POLR3E: variants seen among roughly 807,000 people sequenced by gnomAD.
POLR3E encodes the protein DNA-directed RNA polymerase III subunit RPC5.
A neutral mutation model predicts 96.6 loss-of-function variants in POLR3E; 41 were observed. That is an observed-to-expected ratio of 0.42 (90% CI 0.33 to 0.55). POLR3E has a LOEUF of 0.55. POLR3E is among the 20% of genes least tolerant of loss of function. POLR3E has a pLI of 0.06. For missense variants in POLR3E, 849 were observed against 952.1 expected, an observed-to-expected ratio of 0.89 and a Z score of 1.43; for synonymous variants, 396 against 383.6, an observed-to-expected ratio of 1.03 and a Z score of -0.38.
chr16:22,313,662 G>A lies in POLR3E; in HGVS notation c.407G>A (p.Arg136Gln), dbSNP rs753109806. The A allele has an allele frequency of 6.2e-6, 10 of 1,613,940 alleles. No homozygotes were observed. Among genetic ancestry groups the A allele is most frequent in the South Asian group, 2.2e-5 (2 of 91,074 alleles). The change falls in exon 7 of 21, where the codon CGG becomes CAG. Residue 136 changes from arginine to glutamine, a missense_variant. Transcript: ENST00000299853. The surrounding 1 kb of genome is among the most constrained non-coding windows in gnomAD (Gnocchi z 4.1). The stretch of plus-strand genomic sequence containing the variant: ...CCTTTACATGGCATCCTGCAGCTGC[G>A]GCCCAGCTTCTCCTACCTGGATAAG... The part of the protein sequence containing the change: ...LTPLHGILQL[R>Q]PSFSYLDKAD...
intron 1 of POLR3E, among the ~76,000 whole-genome samples, chr16:22,297,869 C>T (rs1165955002): frequency 6.6e-6 from 1 of 152,188 alleles, no homozygotes; most frequent in Non-Finnish European, 1.5e-5. Context: ...AGTGGCGGCT[C>T]GCGGCAGGGA....
intron 20 of POLR3E, among the ~76,000 whole-genome samples, chr16:22,332,967 CTTTTTTTTTTTTTT>C (rs1166614906): frequency 4.1e-5 from 3 of 73,062 alleles, no homozygotes; most frequent in African/African-American, 2.0e-4. Flanking sequence ...CGTAGACCCC[CTTTTTTTTTTTTTT>C]TTTTTTTTTT....
chr16:22,315,157 G>A lies in POLR3E; in HGVS notation c.591G>A (p.Gln197=), dbSNP rs770072945. Residue 197 remains glutamine (Q), a synonymous_variant, in exon 9 of 21, where the codon CAG becomes CAA. Transcript: ENST00000299853. ...GTGTGCAGTCCTATGAGTTCCTGCAGAAGAAGCACGCAGAGGAGCCCTGGG... is the reference window on the plus strand; with the variant it reads ...GTGTGCAGTCCTATGAGTTCCTGCAAAAGAAGCACGCAGAGGAGCCCTGGG... ...QRRVQSYEFL[Q]KKHAEEPWVH... 3 of 1,611,198 alleles carry A rather than the reference G, an allele frequency of 1.9e-6. No individual in the cohort carries two copies.
chr16:22,313,786 G>C lies in POLR3E; in HGVS notation c.472+59G>C. The C allele has an allele frequency of 8.2e-7, 1 of 1,212,914 alleles. No individual in the cohort carries two copies. Among genetic ancestry groups the C allele is most frequent in the Non-Finnish European group, 1.2e-6 (1 of 826,194 alleles). The allele number at this position is 1,212,914 out of a possible 1,614,324, so 75.1% of individuals were successfully genotyped here. ...TGCCTTCATCCTGGTGGGATGGCTT[G>C]GTCCTGGGAAGAGGGATGGGATGAT... On this transcript the variant is annotated intron_variant, in intron 7 of 20. Coordinates refer to ENST00000299853, the MANE Select transcript of POLR3E (RefSeq NM_018119.4). This position sits in a 1 kb window ranked among gnomAD's most constrained non-coding sequence, Gnocchi z 4.1.
At chr16:22,324,706 C>T (rs375337910) in intron 16 of POLR3E, 46 bp downstream of exon 16, 37 of 1,594,580 alleles carry the variant, frequency 2.3e-5, no homozygotes, top group Non-Finnish European at 3.2e-5. Context: ...ATCCCAGCAA[C>T]CCTGCATCCT....
intron 1 of POLR3E, among the ~76,000 whole-genome samples, chr16:22,301,150 G>A (rs2048011857): frequency 7.1e-6 from 1 of 141,038 alleles, no homozygotes; most frequent in African/African-American, 2.5e-5. Flanking sequence ...GGGACCATGA[G>A]GTTATCGGGG....
chr16:22,312,995 T>G (rs1230520633), intron 6 of POLR3E, among the ~76,000 whole-genome samples: 1 of 151,242 alleles, frequency 6.6e-6, no homozygotes, highest in Non-Finnish European at 1.5e-5. Context: ...TAGTGTCATA[T>G]AACTCGCGCG....
At chr16:22,309,560 T>C in intron 6 of POLR3E, 50 bp downstream of exon 6, 1 of 1,120,750 alleles carries the variant, frequency 8.9e-7, no homozygotes, top group Non-Finnish European at 1.4e-6. Context: ...TGGGGGGGGC[T>C]GGGCAGGGAG....
chr16:22,313,849 A>G lies in POLR3E; in HGVS notation c.472+122A>G. 1.4e-6 allele frequency: 1 copy of G among 729,864 alleles called. No individual in the cohort carries two copies. The highest frequency in any genetic ancestry group is 2.3e-5 in the Admixed American group (1 of 44,026). The allele number at this position is 729,864 out of a possible 1,614,324, so 45.2% of individuals were successfully genotyped here. Reference sequence around the variant, plus strand: ...AGGATCCCTGGCCTCTACCTACTAGATGCCAGAAGCACCCACCCCACAGTC... The same window carrying G: ...AGGATCCCTGGCCTCTACCTACTAGGTGCCAGAAGCACCCACCCCACAGTC... On this transcript the variant is annotated intron_variant, in intron 7 of 20. Transcript: ENST00000299853. This position sits in a 1 kb window ranked among gnomAD's most constrained non-coding sequence, Gnocchi z 4.1.
chr16:22,298,575 A>C (rs774005819), intron 1 of POLR3E, among the ~76,000 whole-genome samples: 4 of 152,134 alleles, frequency 2.6e-5, no homozygotes, highest in African/African-American at 9.7e-5. Flanking sequence ...GAACCTGCAC[A>C]GTTTTGTTCT....
In POLR3E at chr16:22,302,991, C is replaced by T; in HGVS notation, c.23C>T (p.Pro8Leu). The change falls in exon 2 of 21, where the codon CCA becomes CTA. Residue 8 changes from proline to leucine, a missense_variant. Physicochemically the swap from Pro to Leu is moderately conservative, Grantham distance 98. Coordinates refer to ENST00000299853, the MANE Select transcript of POLR3E (RefSeq NM_018119.4). Reference sequence around the variant, plus strand: ...AGTATGGCCAATGAAGAGGATGACCCAGTTGTACAGGAGGTAACTGCTGCT... The same window carrying T: ...AGTATGGCCAATGAAGAGGATGACCTAGTTGTACAGGAGGTAACTGCTGCT... Reference protein sequence around the residue: MANEEDDPVVQEIDVYLA... With the variant: MANEEDDLVVQEIDVYLA... 6.2e-7 allele frequency: 1 copy of T among 1,614,012 alleles called. No individual in the cohort carries two copies. Among genetic ancestry groups the T allele is most frequent in the Non-Finnish European group, 8.5e-7 (1 of 1,179,912 alleles).
Position 22,332,198 on chromosome 16 carries a change from T to C in POLR3E, c.2070+13T>C. ...TAAAGTACTAAAGGTACATCCATTT[T>C]GTGCATAACAAACAATATCAAAGGC... is the stretch of plus-strand genomic sequence containing the variant. On this transcript the variant is annotated intron_variant, in intron 20 of 20. Coordinates refer to ENST00000299853, the MANE Select transcript of POLR3E (RefSeq NM_018119.4). 1 of 1,609,574 alleles carries C rather than the reference T, an allele frequency of 6.2e-7. No individual in the cohort carries two copies. The highest frequency in any genetic ancestry group is 8.5e-7 in the Non-Finnish European group (1 of 1,177,204).
Position 22,324,628 on chromosome 16 carries a change from G to A in POLR3E, c.1254G>A (p.Arg418=), listed in dbSNP as rs773199305. The change falls in exon 16 of 21, where the codon CGG becomes CGA. Residue 418 remains arginine, a synonymous_variant. Coordinates refer to ENST00000299853, the MANE Select transcript of POLR3E (RefSeq NM_018119.4). ...AGAAGCACCCGGATGTGGTCCAGCG[G>A]CAGCACATGCTGTGGACGGGTATCC... ...FIKKHPDVVQ[R]QHMLWTGIQA... The A allele has an allele frequency of 3.7e-6, 6 of 1,613,902 alleles. No homozygotes were observed. The East Asian group carries it at 1.1e-4, about 30-fold the overall frequency.
At chr16:22,329,106 CAT>C (rs1486139175) in intron 19 of POLR3E, 1 of 165,978 alleles carries the variant, frequency 6.0e-6, no homozygotes, top group African/African-American at 2.4e-5. Context: ...AAAAAAAAAA[CAT>C]AGATTCAGTT....
chr16:22,309,385 G>A (rs775719923), intron 5 of POLR3E, 43 bp from the exon 6 acceptor site: 16 of 1,442,252 alleles, frequency 1.1e-5, no homozygotes, highest in Admixed American at 6.7e-5. Flanking sequence ...GCCCTGGCTC[G>A]GAGCTGCCTT....
At position 22,313,550 on chromosome 16, in the gene POLR3E, C is replaced by T; in HGVS notation, c.365-70C>T. On this transcript the variant is annotated intron_variant, in intron 6 of 20. Coordinates refer to ENST00000299853, the MANE Select transcript of POLR3E (RefSeq NM_018119.4). The surrounding 1 kb of genome is among the most constrained non-coding windows in gnomAD (Gnocchi z 4.1). ...ATGGTGGGCCTAGGCCTTCACGGGA[C>T]TTGGTGACTCTCTTGAGCCAAACTG... 1 of 965,664 alleles carries T rather than the reference C, an allele frequency of 1.0e-6. No individual in the cohort carries two copies. Among genetic ancestry groups the T allele is most frequent in the Non-Finnish European group, 1.7e-6 (1 of 598,764 alleles). 59.8% of individuals were successfully genotyped at this position (965,664 alleles called of 1,614,324 possible). A position where few individuals can be genotyped will look rare whatever the true frequency, so the allele number is the denominator to read the frequency against.
chr16:22,303,744 G>A (rs1227126321), intron 2 of POLR3E, among the ~76,000 whole-genome samples: 2 of 148,856 alleles, frequency 1.3e-5, no homozygotes, highest in South Asian at 2.1e-4. Context: ...AGGTTCAAGC[G>A]ATTCTCCTGC....
In POLR3E at chr16:22,315,102, G is replaced by A. The variant is rs777551872; in HGVS notation, c.536G>A (p.Arg179Gln). The change falls in exon 9 of 21, where the codon CGG becomes CAG. Residue 179 changes from arginine to glutamine, a missense_variant. Arg to Gln is a conservative substitution (Grantham distance 43). Transcript: ENST00000299853. ...DVKQITVRFS[R>Q]PESEQARQRR... The stretch of plus-strand genomic sequence containing the variant: ...TTCCCACCGCAGGTGCGGTTCTCCC[G>A]GCCGGAGTCAGAGCAGGCCCGCCAG... The A allele has an allele frequency of 5.0e-6, 8 of 1,613,424 alleles. No individual in the cohort carries two copies. The highest frequency in any genetic ancestry group is 1.7e-5 in the Admixed American group (1 of 59,996).
At chr16:22,300,784 G>A (rs1200907700) in intron 1 of POLR3E, among the ~76,000 whole-genome samples, 2 of 152,198 alleles carry the variant, frequency 1.3e-5, no homozygotes, top group African/African-American at 4.8e-5. Flanking sequence ...CCCGCTCCAT[G>A]TCTTCCTCTG....
Sources: gnomAD v4.1 joint callset for allele counts (sites outside exome capture counted in the v4.1 genomes callset) on GRCh38, gnomAD v4.1.1 for gene constraint, Gnocchi (gnomAD v3.1) non-coding constraint, MANE v1.5 for transcripts, NCBI Gene and HGNC (gene_info 2026-07-23, HGNC 2026-07-21) for gene names.